Variants in THSD7B observed in about 807,000 individuals in gnomAD.
THSD7B encodes the protein thrombospondin type 1 domain containing 7B, also known as thrombospondin type-1 domain-containing protein 7B.
In THSD7B, 138 loss-of-function variants were observed where a neutral mutation model predicts 213.6. The ratio of observed to expected loss-of-function variants is 0.65; its 90% CI spans 0.56 to 0.74. THSD7B has a LOEUF of 0.74. THSD7B is among the 30% of genes least tolerant of loss of function. The probability of loss-of-function intolerance (pLI) is 0.00; values close to 1 mark genes in which losing one functional copy is unlikely to be tolerated. For synonymous variants in THSD7B, 742 were observed against 687.0 expected (o/e 1.08, Z -1.25); for missense variants, 1,931 against 1,991.5 (o/e 0.97, Z 0.58).
intron 15 of THSD7B, among the ~76,000 whole-genome samples, chr2:137,558,553 G>A (rs1228736776): frequency 6.6e-6 from 1 of 152,160 alleles, no homozygotes; most frequent in African/African-American, 2.4e-5. Context: ...AGATATTGAT[G>A]GAAAGTATCT....
chr2:136,792,717 A>G (rs1035661591), intron 1 of THSD7B, among the ~76,000 whole-genome samples: 1 of 152,042 alleles, frequency 6.6e-6, no homozygotes. Flanking sequence ...TTTCCCCATT[A>G]ATCAGCCTCT....
At chr2:137,330,553 G>A (rs546343320) in intron 12 of THSD7B, among the ~76,000 whole-genome samples, 223 of 152,196 alleles carry the variant, frequency 1.5e-3, no homozygotes, top group Non-Finnish European at 2.3e-3. Flanking sequence ...GTTCGTGGTC[G>A]TGCTGGCTCA....
chr2:137,345,364 A>G (rs141221523), intron 12 of THSD7B, among the ~76,000 whole-genome samples: 2 of 151,770 alleles, frequency 1.3e-5, no homozygotes, highest in African/African-American at 4.8e-5. Flanking sequence ...CTTCAGAGAC[A>G]TAAGGAAAAA....
rs1379493452 is a variant in THSD7B, at chr2:137,449,056, A to T, written c.2960-1789A>T. 1.3e-5 allele frequency among the ~76,000 whole-genome samples: 2 copies of T among 152,174 alleles called. 1 individual carries two copies. Among genetic ancestry groups the T allele is most frequent in the East Asian group, 3.9e-4 (2 of 5,190 alleles). On this transcript the variant is annotated intron_variant, in intron 14 of 27. Coordinates refer to ENST00000409968, the MANE Select transcript of THSD7B (RefSeq NM_001316349.2). The stretch of plus-strand genomic sequence containing the variant: ...GAGTTAGCAGAGGTTTCAAAAAAGG[A>T]GTAATAAAAGTTATTTTGTATTTTA...
In THSD7B at chr2:137,238,564, T is replaced by TTTTTTTTTTTTTTTTTTTTTTTTC. The variant is rs1553481982; in HGVS notation, c.2151-3893_2151-3892insTTTTTTTTTTTTTTTTTTTTTTTC. Among the ~76,000 whole-genome samples, 2 of 83,408 alleles carry TTTTTTTTTTTTTTTTTTTTTTTTC rather than the reference T, an allele frequency of 2.4e-5. 1 individual carries two copies. The allele number at this position is 83,408 out of a possible 152,430, so 54.7% of individuals were successfully genotyped here. A position where few individuals can be genotyped will look rare whatever the true frequency, so the allele number is the denominator to read the frequency against. ...TTTTTTTTTTTTTTTTTTTTTTTTT[T>TTTTTTTTTTTTTTTTTTTTTTTTC]GAGACGGAGTCTCGCTCTGTCGCCC... On this transcript the variant is annotated intron_variant, in intron 9 of 27. Transcript: ENST00000409968.
intron 1 of THSD7B, among the ~76,000 whole-genome samples, chr2:136,826,068 G>A (rs1173761655): frequency 1.3e-5 from 2 of 152,110 alleles, no homozygotes; most frequent in African/African-American, 2.4e-5. Context: ...CCCCAATGTC[G>A]TGACAGATTG....
intron 7 of THSD7B, among the ~76,000 whole-genome samples, chr2:137,223,365 C>A (rs1681415528): frequency 6.6e-6 from 1 of 152,186 alleles, no homozygotes; most frequent in South Asian, 2.1e-4. Context: ...CACAACATGT[C>A]CAACATTGTT....
chr2:136,782,497 T>A (rs956607204), intron 1 of THSD7B, among the ~76,000 whole-genome samples: 2 of 152,180 alleles, frequency 1.3e-5, no homozygotes. Flanking sequence ...TGTGGTCAGC[T>A]GGGTGCAGAT....
intron 14 of THSD7B, among the ~76,000 whole-genome samples, chr2:137,412,776 G>A (rs1421718682): frequency 1.3e-5 from 2 of 151,650 alleles, no homozygotes; most frequent in African/African-American, 4.8e-5. Flanking sequence ...TGAAAGATCT[G>A]GGTGTATGGA....
At chr2:137,109,704 G>A (rs1688313786) in intron 4 of THSD7B, among the ~76,000 whole-genome samples, 2 of 152,100 alleles carry the variant, frequency 1.3e-5, no homozygotes, top group Admixed American at 6.5e-5. Context: ...GGCAGAGCTC[G>A]GTGGCAATGT....
chr2:137,671,142 G>C (rs1468725001), intron 27 of THSD7B, among the ~76,000 whole-genome samples: 1 of 150,664 alleles, frequency 6.6e-6, no homozygotes, highest in African/African-American at 2.4e-5. Flanking sequence ...TTGTGCTGCT[G>C]TTTCAGAAGT....
At position 137,394,971 on chromosome 2, in the gene THSD7B, A is replaced by G. The variant is rs1244193266; in HGVS notation, c.2501-10642A>G. Reference sequence around the variant, plus strand: ...TGATTTGGCTCTCTGTTTGTCTGTTATTGGTGTATAAGAATGCTTGTGATT... The same window carrying G: ...TGATTTGGCTCTCTGTTTGTCTGTTGTTGGTGTATAAGAATGCTTGTGATT... On this transcript the variant is annotated intron_variant, in intron 12 of 27. Transcript: ENST00000409968. 9.5e-5 allele frequency among the ~76,000 whole-genome samples: 14 copies of G among 146,698 alleles called. 1 individual carries two copies. Among genetic ancestry groups the G allele is most frequent in the South Asian group, 4.4e-4 (2 of 4,502 alleles).
chr2:137,281,963 C>T (rs1223972232), intron 12 of THSD7B, among the ~76,000 whole-genome samples: 1 of 152,150 alleles, frequency 6.6e-6, no homozygotes, highest in African/African-American at 2.4e-5. Context: ...GTTCTAGATC[C>T]TTGAGGAATC....
chr2:137,594,495 T>C (rs1326751715), intron 17 of THSD7B, among the ~76,000 whole-genome samples: 1 of 152,028 alleles, frequency 6.6e-6, no homozygotes, highest in Non-Finnish European at 1.5e-5. Context: ...TCAAATTGCA[T>C]TGTTGCCTTT....
At chr2:137,364,876 A>C (rs1685368481) in intron 12 of THSD7B, among the ~76,000 whole-genome samples, 1 of 152,208 alleles carries the variant, frequency 6.6e-6, no homozygotes, top group Non-Finnish European at 1.5e-5. Context: ...TCTTCACAAA[A>C]TTGGAAAAAA....
At chr2:136,890,376 C>T (rs1177676715) in intron 2 of THSD7B, among the ~76,000 whole-genome samples, 26 of 7,006 alleles carry the variant, frequency 3.7e-3, no homozygotes, top group East Asian at 0.011. Context: ...TCTTCTTCTT[C>T]CTCTTCCTCT....
chr2:137,421,087 CA>C (rs1199730236), intron 14 of THSD7B, among the ~76,000 whole-genome samples: 1 of 152,108 alleles, frequency 6.6e-6, no homozygotes, highest in African/African-American at 2.4e-5. Flanking sequence ...CCTGTGTGGA[CA>C]ATTTAGGATA....
chr2:136,998,555 A>G (rs1336693269), intron 2 of THSD7B, among the ~76,000 whole-genome samples: 1 of 152,166 alleles, frequency 6.6e-6, no homozygotes, highest in Non-Finnish European at 1.5e-5. Flanking sequence ...TTTAGTGTGA[A>G]GCTTCACAGT....
intron 15 of THSD7B, among the ~76,000 whole-genome samples, chr2:137,515,754 G>T (rs1405852905): frequency 2.0e-5 from 3 of 150,068 alleles, no homozygotes; most frequent in African/African-American, 7.4e-5. Context: ...ATAGATTAAA[G>T]ATGACTCACT....
Sources: gnomAD v4.1 joint callset for allele counts (sites outside exome capture counted in the v4.1 genomes callset) on GRCh38, gnomAD v4.1.1 for gene constraint, MANE v1.5 for transcripts, NCBI Gene and HGNC (gene_info 2026-07-23, HGNC 2026-07-21) for gene names.